CC2D2A: variants seen among roughly 807,000 people sequenced by gnomAD.
CC2D2A encodes coiled-coil and C2 domain containing 2A.
CC2D2A carries 155 observed loss-of-function variants against 212.9 expected under a neutral mutation model. That is an observed-to-expected ratio of 0.73 (90% CI 0.64 to 0.83). CC2D2A has a LOEUF of 0.83. CC2D2A is among the 40% of genes least tolerant of loss of function. The probability of loss-of-function intolerance (pLI) is 0.00; values close to 1 mark genes in which losing one functional copy is unlikely to be tolerated. For missense variants in CC2D2A, 1,856 were observed against 1,956.2 expected (o/e 0.95, Z 0.97); for synonymous variants, 667 against 686.5 (o/e 0.97, Z 0.44).
At position 15,587,832 on chromosome 4, in the gene CC2D2A, T is replaced by A; in HGVS notation, c.4082T>A (p.Leu1361Gln). Residue 1361 changes from leucine (L) to glutamine (Q), a missense_variant, in exon 32 of 37, where the codon CTG (leucine) becomes CAG (glutamine). By Grantham distance (113) the Leu-to-Gln change is moderately radical. Around this residue, in one of 5 missense-constraint regions of CC2D2A, gnomAD observed 36 missense variants for 35.5 expected, o/e 1.02. Transcript: ENST00000424120. ...TTTTGTCAGCAATTTCTTGATCTCC[T>A]GGCAGGGGATGAAGAAGAACATGCA... is the stretch of plus-strand genomic sequence containing the variant. The part of the protein sequence containing the change: ...WSTSDQFLDL[L>Q]AGDEEEHAVL... 1 of 1,610,240 alleles carries A rather than the reference T, an allele frequency of 6.2e-7. No homozygotes were observed. Among genetic ancestry groups the A allele is most frequent in the Non-Finnish European group, 8.5e-7 (1 of 1,176,540 alleles).
intron 3 of CC2D2A, among the ~76,000 whole-genome samples, chr4:15,479,760 G>C (rs1160889262): frequency 6.6e-6 from 1 of 152,168 alleles, no homozygotes; most frequent in East Asian, 1.9e-4. Context: ...CCCAAGGCCA[G>C]GGGCTGTGGA....
Position 15,538,085 on chromosome 4 carries a change from G to A in CC2D2A, c.1951G>A (p.Val651Ile). Residue 651 changes from valine to isoleucine, a missense_variant, in exon 16 of 37, where the codon GTC becomes ATC. Val to Ile is a conservative substitution (Grantham distance 29, BLOSUM62 3). This residue lies in a region of CC2D2A where 1,512 missense variants were observed against 1,579.3 expected (regional missense o/e 0.96). Coordinates refer to ENST00000424120, the MANE Select transcript of CC2D2A (RefSeq NM_001378615.1). ...SRRRPWEPTL[V>I]PELSLAGSVT... ...GAGGAGGCCTTGGGAGCCCACGCTGGTCCCGGAGCTAAGCCTGGCAGGAAG... is the reference window on the plus strand; with the variant it reads ...GAGGAGGCCTTGGGAGCCCACGCTGATCCCGGAGCTAAGCCTGGCAGGAAG... The A allele has an allele frequency of 6.2e-7, 1 of 1,605,274 alleles. No individual in the cohort carries two copies. Among genetic ancestry groups the A allele is most frequent in the Admixed American group, 1.7e-5 (1 of 58,876 alleles).
chr4:15,566,667 C>G (rs1719894231), intron 24 of CC2D2A, among the ~76,000 whole-genome samples: 2 of 152,070 alleles, frequency 1.3e-5, no homozygotes, highest in Non-Finnish European at 2.9e-5. Flanking sequence ...GGCCATACAT[C>G]TTTGGAAAAA....
chr4:15,502,794 A>G (rs760428221), intron 5 of CC2D2A, 28 bp from the exon 6 acceptor site: 1 of 1,551,160 alleles, frequency 6.4e-7, no homozygotes, highest in East Asian at 2.3e-5. Context: ...GACATCATGT[A>G]GCAGTAAATT....
At chr4:15,525,933 C>T (rs549604638) in intron 11 of CC2D2A, among the ~76,000 whole-genome samples, 3 of 152,298 alleles carry the variant, frequency 2.0e-5, no homozygotes, top group South Asian at 2.1e-4. Context: ...TTGGGAAATA[C>T]AGCATATTCC....
chr4:15,516,029 G>T, intron 10 of CC2D2A, 25 bp downstream of exon 10: 2 of 1,564,440 alleles, frequency 1.3e-6, no homozygotes, highest in African/African-American at 1.4e-5. Flanking sequence ...TCTGCTCTCA[G>T]GTGTAGCCTG....
intron 11 of CC2D2A, 149 bp downstream of exon 11, chr4:15,516,905 T>C: frequency 1.5e-6 from 1 of 684,264 alleles, no homozygotes; most frequent in Admixed American, 3.7e-5. Flanking sequence ...TCAGGCATAT[T>C]ATGTAAGAGT....
At chr4:15,567,231 T>C (rs989342661) in intron 24 of CC2D2A, 146 bp from the exon 25 acceptor site, 28 of 626,166 alleles carry the variant, frequency 4.5e-5, no homozygotes, top group Middle Eastern at 4.2e-4. Context: ...TGCAGTGAGC[T>C]GAGATTGCAC....
At chr4:15,494,332 G>A (rs545501553) in intron 4 of CC2D2A, among the ~76,000 whole-genome samples, 129 of 152,208 alleles carry the variant, frequency 8.5e-4, no homozygotes, top group Non-Finnish European at 1.5e-3. Flanking sequence ...CAGAGCCGGG[G>A]TTCCTGAGTT....
intron 2 of CC2D2A, among the ~76,000 whole-genome samples, chr4:15,476,574 AC>A (rs1402999087): frequency 6.6e-6 from 1 of 152,162 alleles, no homozygotes; most frequent in Admixed American, 6.5e-5. Context: ...CCAAGGTCTT[AC>A]CTCTACCTGA....
chr4:15,528,578 A>G (rs747473733), intron 12 of CC2D2A, 42 bp from the exon 13 acceptor site: 6 of 1,549,746 alleles, frequency 3.9e-6, no homozygotes, highest in South Asian at 1.1e-5. Flanking sequence ...GCAGTAGGGA[A>G]TAGAGTTTGT....
intron 6 of CC2D2A, among the ~76,000 whole-genome samples, chr4:15,503,369 T>G (rs1259681452): frequency 6.6e-6 from 1 of 152,220 alleles, no homozygotes; most frequent in Non-Finnish European, 1.5e-5. Flanking sequence ...TTTACCACCT[T>G]TGTCCCATGT....
intron 4 of CC2D2A, among the ~76,000 whole-genome samples, chr4:15,496,280 G>A (rs1008588728): frequency 7.2e-5 from 11 of 152,078 alleles, no homozygotes; most frequent in Admixed American, 6.6e-5. Context: ...AATTGCTTTT[G>A]GAGACTTCAT....
chr4:15,537,996 C>G lies in CC2D2A; in HGVS notation c.1862C>G (p.Pro621Arg), dbSNP rs753274560. The change falls in exon 16 of 37, where the codon CCT (proline) becomes CGT (arginine). Residue 621 changes from proline to arginine, a missense_variant. Coordinates refer to ENST00000424120, the MANE Select transcript of CC2D2A (RefSeq NM_001378615.1). ...GAGGAGGACCTTGTGAAGCCCAGCC[C>G]TCCAGAGCCCACTGATCGGGCAGTG... ...YPEEDLVKPSPPEPTDRAVIE... is the reference protein window; with the variant it reads ...YPEEDLVKPSRPEPTDRAVIE... The G allele has an allele frequency of 6.2e-7, 1 of 1,609,948 alleles. No individual in the cohort carries two copies. The highest frequency in any genetic ancestry group is 8.5e-7 in the Non-Finnish European group (1 of 1,178,240).
intron 11 of CC2D2A, 138 bp from the exon 12 acceptor site, chr4:15,527,309 G>C (rs1162726597): frequency 1.8e-6 from 1 of 558,786 alleles, no homozygotes; most frequent in Non-Finnish European, 3.1e-6. Flanking sequence ...CTGGAAATAA[G>C]TAATCAAGCA....
At chr4:15,510,061 G>A (rs1015322606) in intron 6 of CC2D2A, 78 bp from the exon 7 acceptor site, 6 of 1,048,020 alleles carry the variant, frequency 5.7e-6, no homozygotes, top group Non-Finnish European at 2.9e-6. Flanking sequence ...TTGGGATGGG[G>A]GGGTTAACCT....
intron 4 of CC2D2A, among the ~76,000 whole-genome samples, chr4:15,487,113 A>C (rs1715043385): frequency 6.6e-6 from 1 of 152,110 alleles, no homozygotes; most frequent in South Asian, 2.1e-4. Context: ...AAAAATGTGT[A>C]TTCTGCAGCT....
At chr4:15,492,537 C>CT (rs1715366206) in intron 4 of CC2D2A, among the ~76,000 whole-genome samples, 2 of 150,938 alleles carry the variant, frequency 1.3e-5, no homozygotes, top group African/African-American at 4.9e-5. Flanking sequence ...GCACAGGGGA[C>CT]TTTATTGATT....
chr4:15,582,785 T>G (rs1252282061), intron 30 of CC2D2A, among the ~76,000 whole-genome samples: 3 of 152,148 alleles, frequency 2.0e-5, no homozygotes, highest in Non-Finnish European at 4.4e-5. Context: ...CTAACATCAA[T>G]TCTGCTCAAA....
Sources: allele counts gnomAD v4.1 joint callset (sites outside exome capture counted in the v4.1 genomes callset), GRCh38; gene constraint gnomAD v4.1.1; regional missense constraint gnomAD v4.1.1; transcripts MANE v1.5; gene names NCBI Gene and HGNC (gene_info 2026-07-23, HGNC 2026-07-21).